Variants in MYO1E observed in about 807,000 individuals in gnomAD.
MYO1E encodes unconventional myosin-Ie.
In MYO1E, 68 loss-of-function variants were observed where a neutral mutation model predicts 151.1. The observed-to-expected ratio is 0.45, with a 90% CI of 0.37 to 0.55. The LOEUF (loss-of-function observed/expected upper bound fraction) is 0.55, where lower values mean the gene tolerates loss of function less well. Ranked by LOEUF, MYO1E falls within the 20% of genes least tolerant of loss-of-function variation. MYO1E has a pLI of 0.00. For missense variants in MYO1E, 1,363 were observed against 1,389.3 expected, an observed-to-expected ratio of 0.98 and a Z score of 0.30; for synonymous variants, 601 against 501.7, an observed-to-expected ratio of 1.20 and a Z score of -2.64.
intron 1 of MYO1E, among the ~76,000 whole-genome samples, chr15:59,288,293 G>A (rs111805425): frequency 3.9e-4 from 59 of 152,042 alleles, no homozygotes; most frequent in African/African-American, 1.4e-3. Context: ...CTTCTGCCTC[G>A]GCCTACCGAG....
intron 16 of MYO1E, among the ~76,000 whole-genome samples, chr15:59,197,155 A>G (rs1167107252): frequency 1.3e-5 from 2 of 151,780 alleles, no homozygotes; most frequent in African/African-American, 2.4e-5. Flanking sequence ...ACCAGGCCCA[A>G]CTAATTTTTG....
chr15:59,143,816 C>A (rs1357850980), intron 26 of MYO1E, among the ~76,000 whole-genome samples: 1 of 152,204 alleles, frequency 6.6e-6, no homozygotes, highest in Non-Finnish European at 1.5e-5. Context: ...GGCTATGCTC[C>A]CCTGGCCTCT....
chr15:59,318,106 G>A (rs189267351), intron 1 of MYO1E, among the ~76,000 whole-genome samples: 2 of 152,276 alleles, frequency 1.3e-5, no homozygotes, highest in Non-Finnish European at 1.5e-5. Context: ...TTACAATTGC[G>A]ATTTCATGAG....
At chr15:59,231,864 A>G in intron 5 of MYO1E, 73 bp from the exon 6 acceptor site, 1 of 1,506,872 alleles carries the variant, frequency 6.6e-7, no homozygotes. Context: ...AACTTTCTCT[A>G]AGGACCTGGT....
At chr15:59,297,316 G>A (rs1309400836) in intron 1 of MYO1E, among the ~76,000 whole-genome samples, 2 of 151,054 alleles carry the variant, frequency 1.3e-5, no homozygotes, top group Non-Finnish European at 3.0e-5. Flanking sequence ...CTGTCACCCA[G>A]GCTGGAATGC....
At chr15:59,195,340 C>T in intron 17 of MYO1E, 121 bp downstream of exon 17, 1 of 887,576 alleles carries the variant, frequency 1.1e-6, no homozygotes, top group Admixed American at 1.9e-5. Flanking sequence ...AGTTAAGATG[C>T]AAGGGCATGA....
chr15:59,219,952 G>A (rs1247276550), intron 9 of MYO1E, among the ~76,000 whole-genome samples: 1 of 152,240 alleles, frequency 6.6e-6, no homozygotes, highest in Non-Finnish European at 1.5e-5. Context: ...ATCTCACAGA[G>A]TTGCACTCCT....
At chr15:59,285,432 A>T (rs1348232851) in intron 1 of MYO1E, among the ~76,000 whole-genome samples, 1 of 135,782 alleles carries the variant, frequency 7.4e-6, no homozygotes, top group Non-Finnish European at 1.5e-5. Flanking sequence ...ATCTTGGCTC[A>T]CTATAACCTC....
At chr15:59,266,499 C>T (rs900941635) in intron 2 of MYO1E, among the ~76,000 whole-genome samples, 1 of 152,102 alleles carries the variant, frequency 6.6e-6, no homozygotes, top group Non-Finnish European at 1.5e-5. Flanking sequence ...GACAAAAAAA[C>T]AAACAATGCA....
At chr15:59,278,049 T>C (rs1294323796) in intron 1 of MYO1E, among the ~76,000 whole-genome samples, 1 of 152,204 alleles carries the variant, frequency 6.6e-6, no homozygotes, top group Middle Eastern at 3.2e-3. Flanking sequence ...TAATTGAGCA[T>C]TTTCTGGGTT....
chr15:59,142,230 A>T (rs1027170203), intron 26 of MYO1E, among the ~76,000 whole-genome samples: 4 of 152,204 alleles, frequency 2.6e-5, no homozygotes, highest in Non-Finnish European at 5.9e-5. Context: ...CCATGGGCAC[A>T]GCGGGCCAGT....
intron 1 of MYO1E, among the ~76,000 whole-genome samples, chr15:59,365,428 TA>T (rs1428454624): frequency 6.6e-6 from 1 of 152,176 alleles, no homozygotes; most frequent in South Asian, 2.1e-4. Flanking sequence ...TCCAGACTCT[TA>T]AAGAATTATT....
chr15:59,316,648 T>A (rs2080590926), intron 1 of MYO1E, among the ~76,000 whole-genome samples: 1 of 152,232 alleles, frequency 6.6e-6, no homozygotes, highest in African/African-American at 2.4e-5. Context: ...TTCTTGCCCA[T>A]ATAAACTGGT....
chr15:59,263,865 A>G (rs1364574285), intron 2 of MYO1E, among the ~76,000 whole-genome samples: 1 of 152,190 alleles, frequency 6.6e-6, no homozygotes, highest in East Asian at 1.9e-4. Context: ...CCAAAGTCAG[A>G]TGAGGCCAAT....
At chr15:59,156,609 G>A (rs183492087) in intron 25 of MYO1E, among the ~76,000 whole-genome samples, 301 of 152,310 alleles carry the variant, frequency 2.0e-3, no homozygotes, top group Non-Finnish European at 3.3e-3. Context: ...GATTACAGGC[G>A]TAAGCCACCA....
intron 25 of MYO1E, among the ~76,000 whole-genome samples, chr15:59,156,432 G>C (rs544988568): frequency 6.6e-5 from 10 of 152,188 alleles, no homozygotes; most frequent in African/African-American, 9.6e-5. Flanking sequence ...TGATCTGCTC[G>C]TCTTGGTCTC....
At position 59,250,936 on chromosome 15, in the gene MYO1E, C is replaced by T. The variant is rs532003743; in HGVS notation, c.332+5348G>A. ...CTTGCAGTGCAGGTGGAGGGAGACA[C>T]GTGGGCTGCAGAAGACTGAGGGGGC... On this transcript the variant is annotated intron_variant, in intron 4 of 27. Coordinates refer to ENST00000288235, the MANE Select transcript of MYO1E (RefSeq NM_004998.4). Among the ~76,000 whole-genome samples the T allele has an allele frequency of 3.5e-4, 54 of 152,226 alleles. 2 individuals carry two copies. The South Asian group carries it at 0.011, about 31-fold the overall frequency.
intron 12 of MYO1E, among the ~76,000 whole-genome samples, chr15:59,211,570 A>C (rs1432314369): frequency 2.0e-5 from 3 of 152,162 alleles, no homozygotes; most frequent in Admixed American, 6.5e-5. Flanking sequence ...TCCATTCTAC[A>C]GATTGGAATC....
chr15:59,302,677 C>T (rs2080490040), intron 1 of MYO1E, among the ~76,000 whole-genome samples: 2 of 152,330 alleles, frequency 1.3e-5, no homozygotes, highest in Admixed American at 1.3e-4. Flanking sequence ...TCTCCAGAGT[C>T]CATCTAACAC....
Sources: allele counts gnomAD v4.1 joint callset (sites outside exome capture counted in the v4.1 genomes callset), GRCh38; gene constraint gnomAD v4.1.1; transcripts MANE v1.5; gene names NCBI Gene and HGNC (gene_info 2026-07-23, HGNC 2026-07-21).